ARHGEF7: variants seen among roughly 807,000 people sequenced by gnomAD.
ARHGEF7 encodes the protein Rho guanine nucleotide exchange factor 7.
In ARHGEF7, 33 loss-of-function variants were observed where a neutral mutation model predicts 109.8. That is an observed-to-expected ratio of 0.30 (90% CI 0.23 to 0.40). ARHGEF7 has a LOEUF of 0.40. Among genes scored for constraint, ARHGEF7 ranks in the 10% least tolerant of loss-of-function variants. The probability of loss-of-function intolerance (pLI) is 1.00; values close to 1 mark genes in which losing one functional copy is unlikely to be tolerated. For synonymous variants in ARHGEF7, 458 were observed against 424.6 expected (o/e 1.08, Z -0.97); for missense variants, 938 against 1,098.5 (o/e 0.85, Z 2.07).
At chr13:111,268,076 T>C (rs1309729548) in intron 9 of ARHGEF7, among the ~76,000 whole-genome samples, 1 of 152,196 alleles carries the variant, frequency 6.6e-6, no homozygotes, top group East Asian at 1.9e-4. Context: ...ACACAAAACA[T>C]TACATTGGAG....
At chr13:111,221,175 A>G (rs1362195512) in intron 5 of ARHGEF7, among the ~76,000 whole-genome samples, 30 of 109,972 alleles carry the variant, frequency 2.7e-4, no homozygotes, top group Non-Finnish European at 4.1e-4. Flanking sequence ...ATATATCTAT[A>G]TAGATATATA....
intron 8 of ARHGEF7, among the ~76,000 whole-genome samples, chr13:111,249,422 A>G (rs1236523725): frequency 6.6e-6 from 1 of 151,802 alleles, no homozygotes; most frequent in African/African-American, 2.4e-5. Flanking sequence ...GAAGTTCAGT[A>G]TTTAAAGGGG....
chr13:111,194,089 G>A (rs1487952302), intron 2 of ARHGEF7, among the ~76,000 whole-genome samples: 2 of 152,130 alleles, frequency 1.3e-5, no homozygotes, highest in Admixed American at 6.5e-5. Context: ...GACGGCCACC[G>A]CCGCAACTAC....
intron 1 of ARHGEF7, among the ~76,000 whole-genome samples, chr13:111,135,759 C>A (rs2075054213): frequency 6.6e-6 from 1 of 152,180 alleles, no homozygotes; most frequent in African/African-American, 2.4e-5. Flanking sequence ...AATTTGACTT[C>A]CTCTTTTCCT....
intron 1 of ARHGEF7, among the ~76,000 whole-genome samples, chr13:111,118,238 ATTTG>A (rs1345359442): frequency 6.6e-6 from 1 of 152,154 alleles, no homozygotes; most frequent in Non-Finnish European, 1.5e-5. Flanking sequence ...CATTACGCTC[ATTTG>A]TTCTGTTTCA....
chr13:111,115,742 G>C, intron 1 of ARHGEF7, 51 bp downstream of exon 1: 2 of 1,060,812 alleles, frequency 1.9e-6, no homozygotes, highest in Non-Finnish European at 2.3e-6. Context: ...GGCCCGCTGC[G>C]GCCCGGGATG....
intron 2 of ARHGEF7, among the ~76,000 whole-genome samples, chr13:111,194,816 A>G (rs1002776536): frequency 6.6e-6 from 1 of 152,228 alleles, no homozygotes; most frequent in Non-Finnish European, 1.5e-5. Flanking sequence ...GGTCTGTGGG[A>G]TCCTCAAAGG....
chr13:111,161,427 T>G (rs1055136695), intron 2 of ARHGEF7, among the ~76,000 whole-genome samples: 10 of 152,222 alleles, frequency 6.6e-5, no homozygotes, highest in African/African-American at 2.2e-4. Context: ...ACTCGCCAGC[T>G]GTGCCATCAG....
Position 111,207,537 on chromosome 13 carries a change from C to T in ARHGEF7, c.337+2164C>T, listed in dbSNP as rs921166272. On this transcript the variant is annotated intron_variant, in intron 3 of 21. Coordinates refer to ENST00000646102, the MANE Select transcript of ARHGEF7 (RefSeq NM_001354046.2). ...GGGCAATAGCACAGATATGTAAAATCTACAAGTAATCCTTAATTTGACTCT... is the reference window on the plus strand; with the variant it reads ...GGGCAATAGCACAGATATGTAAAATTTACAAGTAATCCTTAATTTGACTCT... 2.0e-5 allele frequency among the ~76,000 whole-genome samples: 3 copies of T among 152,226 alleles called. No homozygotes were observed. In the East Asian group the frequency reaches 5.8e-4, roughly 29 times the overall value.
intron 2 of ARHGEF7, among the ~76,000 whole-genome samples, chr13:111,200,863 T>C (rs1240155092): frequency 6.6e-6 from 1 of 152,188 alleles, no homozygotes; most frequent in East Asian, 1.9e-4. Flanking sequence ...TGGCCCAGAA[T>C]TGTGGACAGA....
At chr13:111,282,952 G>T in intron 15 of ARHGEF7, 187 bp from the exon 16 acceptor site, 1 of 827,488 alleles carries the variant, frequency 1.2e-6, no homozygotes, top group Non-Finnish European at 1.9e-6. Context: ...GGCCCAGGTG[G>T]CGCGAGCTAG....
At chr13:111,154,748 G>C (rs1426743274) in intron 2 of ARHGEF7, among the ~76,000 whole-genome samples, 1 of 152,118 alleles carries the variant, frequency 6.6e-6, no homozygotes, top group Non-Finnish European at 1.5e-5. Context: ...TCCTACACTT[G>C]GGGTAGCACT....
intron 2 of ARHGEF7, among the ~76,000 whole-genome samples, chr13:111,158,232 T>A (rs770392898): frequency 6.6e-6 from 1 of 152,210 alleles, no homozygotes; most frequent in Non-Finnish European, 1.5e-5. Context: ...AATGAGGCTT[T>A]TTTGCTTAAG....
chr13:111,188,796 G>GT (rs1384171216), intron 2 of ARHGEF7, among the ~76,000 whole-genome samples: 1 of 152,202 alleles, frequency 6.6e-6, no homozygotes, highest in East Asian at 1.9e-4. Context: ...AATGATAAAA[G>GT]TTACTCTTCG....
At chr13:111,285,479 T>G (rs1375477758) in intron 16 of ARHGEF7, among the ~76,000 whole-genome samples, 1 of 152,212 alleles carries the variant, frequency 6.6e-6, no homozygotes, top group Non-Finnish European at 1.5e-5. Flanking sequence ...TTGCTCACTT[T>G]GTTTTTTGCC....
intron 1 of ARHGEF7, chr13:111,143,408 A>T (rs775281701): frequency 2.0e-5 from 3 of 152,234 alleles, no homozygotes; most frequent in Non-Finnish European, 2.9e-5. Context: ...GGCAATAAGA[A>T]AATAATCACC....
intron 2 of ARHGEF7, among the ~76,000 whole-genome samples, chr13:111,155,055 C>G (rs1030058813): frequency 2.0e-5 from 3 of 152,044 alleles, no homozygotes; most frequent in East Asian, 1.9e-4. Context: ...ATTTACATAT[C>G]ATTTATAATG....
chr13:111,275,416 C>A, intron 11 of ARHGEF7, 116 bp from the exon 12 acceptor site: 1 of 1,162,716 alleles, frequency 8.6e-7, no homozygotes, highest in Non-Finnish European at 1.2e-6. Context: ...AATTATCTGT[C>A]TGAAGAAGTA....
At chr13:111,139,581 CT>C (rs1236043925) in intron 1 of ARHGEF7, among the ~76,000 whole-genome samples, 1 of 149,732 alleles carries the variant, frequency 6.7e-6, no homozygotes, top group Non-Finnish European at 1.5e-5. Context: ...GCGTGGAGCA[CT>C]GGCGGGTGCC....
Sources: gnomAD v4.1 joint callset for allele counts (sites outside exome capture counted in the v4.1 genomes callset) on GRCh38, gnomAD v4.1.1 for gene constraint, MANE v1.5 for transcripts, NCBI Gene and HGNC (gene_info 2026-07-23, HGNC 2026-07-21) for gene names.